The following FAN1 variants were observed in gnomAD, a reference collection of about 807,000 sequenced individuals.
The protein encoded by FAN1 is fanconi-associated nuclease 1.
In FAN1, 91 loss-of-function variants were observed where a neutral mutation model predicts 104.9. The ratio of observed to expected loss-of-function variants is 0.87; its 90% CI spans 0.73 to 1.03. The LOEUF is 1.03. Among genes scored for constraint, FAN1 ranks in the 50% least tolerant of loss-of-function variants. The pLI, the probability that FAN1 is intolerant of heterozygous loss-of-function variation, is 0.00. For missense variants in FAN1, 1,263 were observed against 1,239.9 expected (o/e 1.02, Z -0.28); for synonymous variants, 478 against 457.6 (o/e 1.04, Z -0.57).
intron 2 of FAN1, 67 bp from the exon 3 acceptor site, chr15:30,908,051 A>G (rs1282399190): frequency 8.1e-6 from 11 of 1,364,758 alleles, no homozygotes. Flanking sequence ...TAAATCGTAC[A>G]TTTATTCACC....
At chr15:30,909,010 T>C (rs563553779) in intron 3 of FAN1, among the ~76,000 whole-genome samples, 37 of 152,346 alleles carry the variant, frequency 2.4e-4, no homozygotes, top group African/African-American at 8.7e-4. Context: ...TCTTCGATTA[T>C]GTTGATTGCC....
intron 10 of FAN1, chr15:30,927,273 GT>G: frequency 1.0e-6 from 1 of 985,534 alleles, no homozygotes; most frequent in East Asian, 1.1e-4. Flanking sequence ...GATCGTCAGT[GT>G]ATTCACCAGG....
chr15:30,924,179 C>T (rs2062403335), intron 8 of FAN1, among the ~76,000 whole-genome samples: 1 of 152,212 alleles, frequency 6.6e-6, no homozygotes, highest in Non-Finnish European at 1.5e-5. Context: ...TGTCAGGACT[C>T]CGTTCCTTCT....
At chr15:30,936,777 A>G (rs1161571305) in intron 13 of FAN1, among the ~76,000 whole-genome samples, 1 of 152,228 alleles carries the variant, frequency 6.6e-6, no homozygotes, top group Non-Finnish European at 1.5e-5. Context: ...CATGTAGTTC[A>G]CTGCAAACCG....
intron 13 of FAN1, among the ~76,000 whole-genome samples, chr15:30,935,395 A>G (rs1237651917): frequency 6.6e-6 from 1 of 152,212 alleles, no homozygotes; most frequent in Non-Finnish European, 1.5e-5. Context: ...CTCTGTATCC[A>G]TGGTTTCTGC....
intron 2 of FAN1, among the ~76,000 whole-genome samples, chr15:30,907,304 G>A (rs1377758084): frequency 6.6e-6 from 1 of 151,930 alleles, no homozygotes; most frequent in Admixed American, 6.6e-5. Flanking sequence ...GATGGCCTGA[G>A]GTCATGAGTT....
At chr15:30,904,408 TCTC>T (rs756262901) in intron 1 of FAN1, 101 bp from the exon 2 acceptor site, 5 of 565,166 alleles carry the variant, frequency 8.8e-6, no homozygotes, top group Non-Finnish European at 1.2e-5. Flanking sequence ...CTCAGGGTTG[TCTC>T]CTCGTTACAG....
At position 30,941,712 on chromosome 15, in the gene FAN1, G is replaced by C. The variant is rs1202770640; in HGVS notation, c.*150G>C. ...GCCTCCAGGGGGCCACTGCGCTGTT[G>C]CCGCAGCATCCTGCTCAGTACGTCG... On this transcript the variant is annotated 3_prime_UTR_variant, in exon 15 of 15. Transcript: ENST00000362065. 1 of 1,613,928 alleles carries C rather than the reference G, an allele frequency of 6.2e-7. No individual in the cohort carries two copies. Among genetic ancestry groups the C allele is most frequent in the Non-Finnish European group, 8.5e-7 (1 of 1,179,858 alleles).
intron 4 of FAN1, chr15:30,911,127 CTATT>C (rs1328436004): frequency 6.3e-6 from 7 of 1,104,460 alleles, no homozygotes; most frequent in South Asian, 8.8e-5. Context: ...TTAAGGTAAA[CTATT>C]TAGTCAAATT....
chr15:30,906,323 AAAC>A (rs751415263), intron 2 of FAN1: 28 of 460,056 alleles, frequency 6.1e-5, no homozygotes, highest in South Asian at 4.0e-4. Flanking sequence ...TACAGGAAGA[AAAC>A]AAACCAACCT....
At chr15:30,933,667 G>A (rs773129759) in intron 13 of FAN1, among the ~76,000 whole-genome samples, 5 of 152,010 alleles carry the variant, frequency 3.3e-5, no homozygotes, top group Admixed American at 6.5e-5. Context: ...TAAGTTGTCT[G>A]TGTCCTTACT....
chr15:30,921,234 G>C (rs1234075494), intron 7 of FAN1, among the ~76,000 whole-genome samples: 1 of 152,110 alleles, frequency 6.6e-6, no homozygotes, highest in Non-Finnish European at 1.5e-5. Context: ...CCTGGGGGTG[G>C]CGGCCACCAT....
chr15:30,928,370 C>T (rs1045447351), intron 10 of FAN1, 183 bp from the exon 11 acceptor site: 4 of 1,419,948 alleles, frequency 2.8e-6, no homozygotes, highest in African/African-American at 1.4e-5. Context: ...ATATAAACAA[C>T]ATACTGTATA....
In FAN1 at chr15:30,903,976, A is replaced by C. The variant is rs1477912190; in HGVS notation, c.-188A>C. The C allele has an allele frequency of 6.6e-6, 1 of 152,540 alleles. No homozygotes were observed. Among genetic ancestry groups the C allele is most frequent in the Non-Finnish European group, 1.5e-5 (1 of 68,342 alleles). 9.4% of individuals were successfully genotyped at this position (152,540 alleles called of 1,614,324 possible). A position where few individuals can be genotyped will look rare whatever the true frequency, so the allele number is the denominator to read the frequency against. ...CGAGGGCAGCCAGGCCCTAGGGAGCAGGGAGAGTGGCTCGGGCTCAGTCGC... is the reference window on the plus strand; with the variant it reads ...CGAGGGCAGCCAGGCCCTAGGGAGCCGGGAGAGTGGCTCGGGCTCAGTCGC... On this transcript the variant is annotated 5_prime_UTR_variant, in exon 1 of 15. Coordinates refer to ENST00000362065, the MANE Select transcript of FAN1 (RefSeq NM_014967.5).
At chr15:30,920,931 G>GC (rs1435429155) in intron 7 of FAN1, among the ~76,000 whole-genome samples, 2 of 152,132 alleles carry the variant, frequency 1.3e-5, no homozygotes, top group Non-Finnish European at 1.5e-5. Context: ...CTACAGGCGT[G>GC]CGCCACCATG....
In FAN1 at chr15:30,925,241, A is replaced by G; in HGVS notation, c.2287A>G (p.Lys763Glu). 1 of 1,614,086 alleles carries G rather than the reference A, an allele frequency of 6.2e-7. No homozygotes were observed. The highest frequency in any genetic ancestry group is 8.5e-7 in the Non-Finnish European group (1 of 1,180,026). Residue 763 changes from lysine (K) to glutamate (E), a missense_variant, in exon 9 of 15, where the codon AAG becomes GAG. Lys to Glu is a moderately conservative substitution (Grantham distance 56, BLOSUM62 1). This residue lies in a region of FAN1 where 581 missense variants were observed against 668.8 expected (regional missense o/e 0.87). Coordinates refer to ENST00000362065, the MANE Select transcript of FAN1 (RefSeq NM_014967.5). ...LRESPSCKKF[K>E]HLFQQLPEMA... Reference sequence around the variant, plus strand: ...AGAGTCTCCGAGCTGTAAAAAGTTCAAGCACCTCTTCCAGCAGCTCCCAGA... The same window carrying G: ...AGAGTCTCCGAGCTGTAAAAAGTTCGAGCACCTCTTCCAGCAGCTCCCAGA...
chr15:30,930,018 T>C (rs928703751), intron 12 of FAN1, among the ~76,000 whole-genome samples: 2 of 136,992 alleles, frequency 1.5e-5, no homozygotes, highest in Non-Finnish European at 3.0e-5. Flanking sequence ...GTATAAAATA[T>C]ATAATAATAT....
intron 13 of FAN1, among the ~76,000 whole-genome samples, chr15:30,935,639 A>AG: frequency 1.3e-5 from 2 of 152,220 alleles, no homozygotes; most frequent in Admixed American, 1.3e-4. Flanking sequence ...TTGGTAACAG[A>AG]GGGGGTCCTT....
At chr15:30,925,741 A>T (rs1409848401) in intron 9 of FAN1, 48 bp from the exon 10 acceptor site, 3 of 1,605,378 alleles carry the variant, frequency 1.9e-6, no homozygotes, top group Non-Finnish European at 2.6e-6. Context: ...GTTTTCAGGG[A>T]CTTTTGCTGA....
Sources: allele counts gnomAD v4.1 joint callset (sites outside exome capture counted in the v4.1 genomes callset), GRCh38; gene constraint gnomAD v4.1.1; regional missense constraint gnomAD v4.1.1; transcripts MANE v1.5; gene names NCBI Gene and HGNC (gene_info 2026-07-23, HGNC 2026-07-21).